CCSER1: variants seen among roughly 807,000 people sequenced by gnomAD.
The protein encoded by CCSER1 is serine-rich coiled-coil domain-containing protein 1.
CCSER1 carries 41 observed loss-of-function variants against 82.0 expected under a neutral mutation model. That is an observed-to-expected ratio of 0.50 (90% confidence interval 0.39 to 0.65). The LOEUF (loss-of-function observed/expected upper bound fraction) is 0.65. Ranked by LOEUF, CCSER1 falls within the 30% of genes least tolerant of loss-of-function variation. The probability of loss-of-function intolerance (pLI) is 0.00; values close to 1 mark genes in which losing one functional copy is unlikely to be tolerated. For missense variants in CCSER1, 1,119 were observed against 1,064.2 expected (o/e 1.05, Z -0.72); for synonymous variants, 414 against 383.9 (o/e 1.08, Z -0.92).
Position 90,168,509 on chromosome 4 carries a change from G to T in CCSER1, c.-42+40678G>T, listed in dbSNP as rs537340764. ...ATCCCATTTGTCCATTTTAGCTTTT[G>T]TTACCATTGCTTTTGGTGTTTTAGA... On this transcript the variant is annotated intron_variant, in intron 1 of 10. Transcript: ENST00000509176. Among the ~76,000 whole-genome samples, 373 of 152,264 alleles carry T rather than the reference G, an allele frequency of 2.4e-3. 1 individual carries two copies. The highest frequency in any genetic ancestry group is 4.1e-3 in the Admixed American group (62 of 15,284).
intron 9 of CCSER1, among the ~76,000 whole-genome samples, chr4:90,954,373 CAATT>C (rs1320842308): frequency 1.3e-5 from 2 of 151,542 alleles, no homozygotes; most frequent in African/African-American, 4.8e-5. Context: ...TGAATTTTGC[CAATT>C]AGTTAGCCAA....
intron 8 of CCSER1, among the ~76,000 whole-genome samples, chr4:90,861,839 A>G (rs981271758): frequency 1.3e-5 from 2 of 150,668 alleles, no homozygotes; most frequent in African/African-American, 4.9e-5. Flanking sequence ...TAAATGTAAT[A>G]TTTCATAGTT....
At chr4:90,390,900 C>T (rs1451945415) in intron 3 of CCSER1, among the ~76,000 whole-genome samples, 10 of 152,142 alleles carry the variant, frequency 6.6e-5, no homozygotes, top group Admixed American at 6.6e-4. Context: ...TACATTCCCA[C>T]CAACAATGTA....
intron 9 of CCSER1, among the ~76,000 whole-genome samples, chr4:91,072,970 A>G (rs1026352466): frequency 6.6e-6 from 1 of 152,106 alleles, no homozygotes; most frequent in African/African-American, 2.4e-5. Context: ...GCTTAAGGTA[A>G]TAAGTGAGGA....
At chr4:90,495,581 A>T (rs910067355) in intron 5 of CCSER1, among the ~76,000 whole-genome samples, 2 of 152,172 alleles carry the variant, frequency 1.3e-5, no homozygotes, top group African/African-American at 4.8e-5. Flanking sequence ...AATTAATTAC[A>T]TTTGTGCTTA....
intron 3 of CCSER1, among the ~76,000 whole-genome samples, chr4:90,349,869 T>A (rs1743109238): frequency 1.2e-5 from 1 of 84,332 alleles, no homozygotes; most frequent in African/African-American, 7.8e-5. Context: ...ATAGTGAGTT[T>A]AAGTAAAGTG....
chr4:91,451,391 A>G (rs186662449), intron 10 of CCSER1, among the ~76,000 whole-genome samples: 59 of 152,160 alleles, frequency 3.9e-4, no homozygotes, highest in Non-Finnish European at 7.8e-4. Flanking sequence ...TACTATTTCC[A>G]ACTAGCTTAG....
At chr4:91,300,635 A>G (rs1744593833) in intron 10 of CCSER1, among the ~76,000 whole-genome samples, 2 of 151,938 alleles carry the variant, frequency 1.3e-5, no homozygotes, top group Admixed American at 1.3e-4. Flanking sequence ...TATTTCATAT[A>G]TCACCAAGAA....
At chr4:91,081,986 G>T (rs541934346) in intron 9 of CCSER1, among the ~76,000 whole-genome samples, 1 of 152,136 alleles carries the variant, frequency 6.6e-6, no homozygotes, top group Non-Finnish European at 1.5e-5. Context: ...TGGCCATACT[G>T]CCCAAGGTAA....
intron 8 of CCSER1, among the ~76,000 whole-genome samples, chr4:90,870,753 G>A (rs1270218510): frequency 1.3e-5 from 2 of 150,278 alleles, no homozygotes; most frequent in Admixed American, 1.3e-4. Context: ...TGTTTAAGAA[G>A]GATTGGTGTT....
chr4:90,946,498 C>T (rs1208840560), intron 9 of CCSER1, among the ~76,000 whole-genome samples: 2 of 151,698 alleles, frequency 1.3e-5, no homozygotes, highest in Non-Finnish European at 2.9e-5. Context: ...AGGCGTGGTT[C>T]CAGGCGCCTC....
intron 7 of CCSER1, among the ~76,000 whole-genome samples, chr4:90,727,973 C>T (rs1743972254): frequency 6.6e-6 from 1 of 152,106 alleles, no homozygotes; most frequent in African/African-American, 2.4e-5. Context: ...GTTCTTTGAA[C>T]TTCTGAAGAC....
intron 8 of CCSER1, among the ~76,000 whole-genome samples, chr4:90,922,794 C>T (rs1038793889): frequency 2.0e-5 from 3 of 152,074 alleles, no homozygotes; most frequent in South Asian, 2.1e-4. Context: ...TTAGTTTACT[C>T]AGAAATCGTA....
At chr4:90,316,972 T>G (rs1206551817) in intron 3 of CCSER1, among the ~76,000 whole-genome samples, 1 of 152,232 alleles carries the variant, frequency 6.6e-6, no homozygotes, top group African/African-American at 2.4e-5. Context: ...ATAGTATTTT[T>G]CCAATTTTTC....
At chr4:90,342,487 T>C (rs549300037) in intron 3 of CCSER1, among the ~76,000 whole-genome samples, 6 of 152,286 alleles carry the variant, frequency 3.9e-5, no homozygotes, top group Non-Finnish European at 7.4e-5. Context: ...ATGGAGACAA[T>C]GAGAGTTCTA....
intron 6 of CCSER1, among the ~76,000 whole-genome samples, chr4:90,700,284 C>T (rs980785616): frequency 3.9e-5 from 6 of 152,088 alleles, no homozygotes; most frequent in African/African-American, 1.4e-4. Context: ...TGATGGTTTC[C>T]AGCTTCATCC....
intron 1 of CCSER1, among the ~76,000 whole-genome samples, chr4:90,303,262 G>T (rs1414038301): frequency 6.6e-6 from 1 of 152,128 alleles, no homozygotes; most frequent in African/African-American, 2.4e-5. Flanking sequence ...TTTTAAAATT[G>T]CTGCCAATGA....
At chr4:90,511,288 C>G (rs1771461087) in intron 5 of CCSER1, among the ~76,000 whole-genome samples, 2 of 151,996 alleles carry the variant, frequency 1.3e-5, no homozygotes, top group African/African-American at 4.8e-5. Flanking sequence ...CGTGGTGGCA[C>G]ACACCTGTAG....
At chr4:91,536,935 A>C (rs887197856) in intron 10 of CCSER1, among the ~76,000 whole-genome samples, 1 of 152,036 alleles carries the variant, frequency 6.6e-6, no homozygotes, top group Non-Finnish European at 1.5e-5. Flanking sequence ...GTAGATGGAG[A>C]GACAGTTCTT....
Sources: gnomAD v4.1 joint callset for allele counts (sites outside exome capture counted in the v4.1 genomes callset) on GRCh38, gnomAD v4.1.1 for gene constraint, MANE v1.5 for transcripts, NCBI Gene and HGNC (gene_info 2026-07-23, HGNC 2026-07-21) for gene names.